TRPC5: variants seen among roughly 807,000 people sequenced by gnomAD.
TRPC5 encodes short transient receptor potential channel 5.
In TRPC5, 9 loss-of-function variants were observed where a neutral mutation model predicts 56.5. The ratio of observed to expected loss-of-function variants is 0.16; its 90% CI spans 0.10 to 0.28. TRPC5 has a LOEUF of 0.28. Among genes scored for constraint, TRPC5 ranks in the 10% least tolerant of loss-of-function variants. The probability of loss-of-function intolerance (pLI) is 1.00; values close to 1 mark genes in which losing one functional copy is unlikely to be tolerated. For missense variants in TRPC5, 469 were observed against 748.9 expected (o/e 0.63, Z 4.36); for synonymous variants, 282 against 278.5 (o/e 1.01, Z -0.13).
intron 1 of TRPC5, among the ~76,000 whole-genome samples, chrX:111,957,211 C>T (rs1394548752): frequency 8.9e-6 from 1 of 111,755 alleles, no homozygotes; most frequent in Admixed American, 9.5e-5. Flanking sequence ...ACAGATTATA[C>T]TGTGGCTTTT....
intron 1 of TRPC5, among the ~76,000 whole-genome samples, chrX:112,070,756 C>A (rs370924032): frequency 1.9e-5 from 2 of 107,724 alleles, no homozygotes; most frequent in South Asian, 8.2e-4. Context: ...ACTGCCCCCC[C>A]CCAAAGTTAC....
chrX:112,068,008 G>A (rs1274938226), intron 1 of TRPC5, among the ~76,000 whole-genome samples: 2 of 112,355 alleles, frequency 1.8e-5, no homozygotes, highest in Non-Finnish European at 3.8e-5. Flanking sequence ...CATTTTACAG[G>A]TGAAGAAACT....
chrX:111,909,816 G>T (rs138480918), intron 3 of TRPC5, among the ~76,000 whole-genome samples: 41 of 111,411 alleles, frequency 3.7e-4, no homozygotes, highest in African/African-American at 1.3e-3. Context: ...AGGACTAAAA[G>T]AAAGAGGAAA....
intron 7 of TRPC5, among the ~76,000 whole-genome samples, chrX:111,790,421 C>T (rs986192495): frequency 1.7e-4 from 19 of 110,187 alleles, no homozygotes; most frequent in Non-Finnish European, 3.6e-4. Context: ...GGGTGGGGGA[C>T]TGGGGGAGGG....
At chrX:111,923,777 C>T (rs1926186787) in intron 2 of TRPC5, among the ~76,000 whole-genome samples, 1 of 111,265 alleles carries the variant, frequency 9.0e-6, no homozygotes, top group Non-Finnish European at 1.9e-5. Flanking sequence ...AAAAATGAGT[C>T]AATCAGCAGA....
At chrX:111,828,308 T>C (rs753479191) in intron 7 of TRPC5, among the ~76,000 whole-genome samples, 1 of 111,612 alleles carries the variant, frequency 9.0e-6, no homozygotes, top group East Asian at 2.8e-4. Flanking sequence ...AATTGAATCA[T>C]GGGGGTTGTT....
intron 2 of TRPC5, among the ~76,000 whole-genome samples, chrX:111,937,257 T>A (rs1284810067): frequency 1.5e-4 from 16 of 105,287 alleles, no homozygotes; most frequent in Non-Finnish European, 2.9e-4. Context: ...CTTTGTCAGA[T>A]GAGTAGGTTG....
At chrX:111,933,157 T>C (rs1346427960) in intron 2 of TRPC5, among the ~76,000 whole-genome samples, 5 of 112,256 alleles carry the variant, frequency 4.5e-5, no homozygotes, top group Non-Finnish European at 9.4e-5. Flanking sequence ...ATGTTTGTTG[T>C]TAGCATATGG....
rs1377550332 is a variant in TRPC5 at position 111,832,913 on chromosome X, ATC to A, written c.1896+2006_1896+2007del. 8.1e-5 allele frequency among the ~76,000 whole-genome samples: 9 copies of A among 110,971 alleles called. No homozygotes were observed. The East Asian group carries it at 2.6e-3, about 32-fold the overall frequency. ...CAGCCCTGCATTAGGTGACAAGAAAATCTCTCCCTTTTCTACTGTCACAAGGA... is the reference window on the plus strand; with the variant it reads ...CAGCCCTGCATTAGGTGACAAGAAAATCTCCCTTTTCTACTGTCACAAGGA... On this transcript the variant is annotated intron_variant, in intron 7 of 10. Coordinates refer to ENST00000262839, the MANE Select transcript of TRPC5 (RefSeq NM_012471.3).
chrX:111,996,262 A>C (rs1297986985), intron 1 of TRPC5, among the ~76,000 whole-genome samples: 2 of 112,030 alleles, frequency 1.8e-5, no homozygotes, highest in African/African-American at 6.5e-5. Flanking sequence ...ATTCAGGAGC[A>C]GGTTGTTCAG....
At chrX:112,011,308 G>A (rs754681680) in intron 1 of TRPC5, among the ~76,000 whole-genome samples, 1 of 111,700 alleles carries the variant, frequency 9.0e-6, no homozygotes, top group African/African-American at 3.3e-5. Context: ...ATCTAATCTG[G>A]CGTGTGTGAA....
chrX:111,960,505 C>CA (rs1927349738), intron 1 of TRPC5, among the ~76,000 whole-genome samples: 2 of 112,256 alleles, frequency 1.8e-5, no homozygotes, highest in South Asian at 3.7e-4. Context: ...TGTTGCTCAA[C>CA]ACTCATTATC....
chrX:111,812,483 AAC>A (rs1179979046), intron 7 of TRPC5, among the ~76,000 whole-genome samples: 5 of 112,116 alleles, frequency 4.5e-5, no homozygotes, highest in Non-Finnish European at 7.5e-5. Context: ...TACTCTTCTA[AAC>A]AGTCTTTTTC....
At position 111,781,941 on chromosome X, in the gene TRPC5, A is replaced by G. The variant is rs987276280; in HGVS notation, c.2094T>C (p.Ser698=). ...TCAAAATTAAAAGTCTTACTGTGAA[A>G]CTTCTCAAGTTGCGCCTTCTCCGTC... ...DGRRRRRNLR[S]FTERNADSLI... Residue 698 remains serine, a synonymous_variant, in exon 8 of 11, where the codon AGT becomes AGC. Transcript: ENST00000262839. 2 of 1,183,418 alleles carry G rather than the reference A, an allele frequency of 1.7e-6. No homozygotes were observed. The highest frequency in any genetic ancestry group is 1.8e-5 in the African/African-American group (1 of 55,829).
intron 3 of TRPC5, among the ~76,000 whole-genome samples, chrX:111,911,007 C>T (rs910013066): frequency 1.8e-5 from 2 of 112,918 alleles, no homozygotes; most frequent in South Asian, 3.6e-4. Flanking sequence ...ATGGGTGGGC[C>T]TAACCATTTA....
chrX:111,984,211 A>C (rs757813483), intron 1 of TRPC5, among the ~76,000 whole-genome samples: 1 of 111,640 alleles, frequency 9.0e-6, no homozygotes, highest in South Asian at 3.8e-4. Flanking sequence ...ATTCACTTCT[A>C]GGGGACTGCC....
At chrX:112,007,020 A>G (rs940001620) in intron 1 of TRPC5, among the ~76,000 whole-genome samples, 1 of 111,587 alleles carries the variant, frequency 9.0e-6, no homozygotes, top group Non-Finnish European at 1.9e-5. Flanking sequence ...ATAGGAAGGC[A>G]GTCAAGAAGG....
At position 111,786,233 on chromosome X, in the gene TRPC5, G is replaced by A. The variant is rs750633349; in HGVS notation, c.1897-4095C>T. ...ACGGACCTCTCGGCAGAAACCCTAC[G>A]AGCCAGAAGAAAGTGGGGGCCAATA... On this transcript the variant is annotated intron_variant, in intron 7 of 10. Coordinates refer to ENST00000262839, the MANE Select transcript of TRPC5 (RefSeq NM_012471.3). Among the ~76,000 whole-genome samples the A allele has an allele frequency of 2.6e-3, 292 of 111,508 alleles. 1 individual carries two copies. Among genetic ancestry groups the A allele is most frequent in the Non-Finnish European group, 4.2e-3 (224 of 53,106 alleles).
At chrX:111,806,873 A>G (rs1420548812) in intron 7 of TRPC5, among the ~76,000 whole-genome samples, 1 of 110,757 alleles carries the variant, frequency 9.0e-6, no homozygotes, top group Non-Finnish European at 1.9e-5. Context: ...TTCCTTCAGC[A>G]TTTTAAATAA....
Sources: gnomAD v4.1 joint callset for allele counts (sites outside exome capture counted in the v4.1 genomes callset) on GRCh38, gnomAD v4.1.1 for gene constraint, MANE v1.5 for transcripts, NCBI Gene and HGNC (gene_info 2026-07-23, HGNC 2026-07-21) for gene names.